The following ITPR1 variants were observed in gnomAD, a reference collection of about 807,000 sequenced individuals.
ITPR1 encodes the protein inositol 1,4,5-trisphosphate receptor type 1, also known as inositol 1,4,5-trisphosphate-gated calcium channel ITPR1.
ITPR1 carries 96 observed loss-of-function variants against 318.4 expected under a neutral mutation model. That is an observed-to-expected ratio of 0.30 (90% CI 0.26 to 0.36). The LOEUF is 0.36. ITPR1 is among the 10% of genes least tolerant of loss of function. The pLI, the probability that ITPR1 is intolerant of heterozygous loss-of-function variation, is 1.00. For missense variants in ITPR1, 2,440 were observed against 3,460.2 expected (o/e 0.71, Z 7.40); for synonymous variants, 1,312 against 1,289.9 (o/e 1.02, Z -0.37).
intron 5 of ITPR1, among the ~76,000 whole-genome samples, chr3:4,631,362 T>C (rs1462360493): frequency 6.6e-6 from 1 of 152,230 alleles, no homozygotes; most frequent in African/African-American, 2.4e-5. Context: ...ATAATCCCTG[T>C]GACCATTGTT....
chr3:4,590,441 T>A (rs2125066294), intron 4 of ITPR1, among the ~76,000 whole-genome samples: 1 of 151,572 alleles, frequency 6.6e-6, no homozygotes, highest in South Asian at 2.1e-4. Flanking sequence ...TATAGCTGAG[T>A]TGGCCCTGGT....
At chr3:4,568,547 G>A (rs1452113677) in intron 4 of ITPR1, among the ~76,000 whole-genome samples, 2 of 152,160 alleles carry the variant, frequency 1.3e-5, no homozygotes, top group Admixed American at 1.3e-4. Flanking sequence ...AGGTGTGTCT[G>A]GGCTAAGAAG....
intron 25 of ITPR1, 31 bp downstream of exon 25, chr3:4,680,722 A>T (rs1252764668): frequency 2.5e-6 from 4 of 1,584,152 alleles, no homozygotes; most frequent in Non-Finnish European, 3.4e-6. Context: ...TTTCAGCCAT[A>T]GAATGGGACC....
intron 2 of ITPR1, among the ~76,000 whole-genome samples, chr3:4,509,340 T>A (rs2081626542): frequency 6.6e-6 from 1 of 152,180 alleles, no homozygotes; most frequent in Admixed American, 6.5e-5. Flanking sequence ...GGATGGTCAA[T>A]GGGGATAAAA....
chr3:4,741,713 G>C, intron 44 of ITPR1, among the ~76,000 whole-genome samples: 1 of 152,176 alleles, frequency 6.6e-6, no homozygotes, highest in African/African-American at 2.4e-5. Flanking sequence ...AGGGCAATTT[G>C]ATTTGCCTCT....
chr3:4,827,670 G>T, intron 60 of ITPR1, among the ~76,000 whole-genome samples: 1 of 152,134 alleles, frequency 6.6e-6, no homozygotes, highest in Admixed American at 6.5e-5. Context: ...CCTTTGTAGG[G>T]TCTAAGATTC....
At chr3:4,599,706 C>T (rs2091122837) in intron 4 of ITPR1, among the ~76,000 whole-genome samples, 1 of 152,206 alleles carries the variant, frequency 6.6e-6, no homozygotes, top group Non-Finnish European at 1.5e-5. Flanking sequence ...AAGCCTTCCC[C>T]TACTCCGACA....
intron 2 of ITPR1, among the ~76,000 whole-genome samples, chr3:4,501,657 A>T (rs2081032061): frequency 6.6e-6 from 1 of 152,222 alleles, no homozygotes; most frequent in Non-Finnish European, 1.5e-5. Flanking sequence ...TTTTCAGTGA[A>T]GTGGAAAGGT....
intron 5 of ITPR1, among the ~76,000 whole-genome samples, chr3:4,632,929 CTTTTTTTTTT>C (rs1156474451): frequency 1.5e-4 from 10 of 66,022 alleles, no homozygotes; most frequent in African/African-American, 6.3e-4. Flanking sequence ...ACTTTCAGGT[CTTTTTTTTTT>C]TTTTTTTTTT....
chr3:4,609,089 T>TATATATATATATATATAC (rs1171860541), intron 4 of ITPR1, among the ~76,000 whole-genome samples: 9 of 91,938 alleles, frequency 9.8e-5, no homozygotes, highest in Non-Finnish European at 1.4e-4. Flanking sequence ...TATATATATA[T>TATATATATATATATATAC]ACACACACAC....
intron 54 of ITPR1, among the ~76,000 whole-genome samples, chr3:4,802,015 A>T (rs1265340422): frequency 1.3e-5 from 2 of 152,194 alleles, no homozygotes; most frequent in Non-Finnish European, 2.9e-5. Context: ...TTTAGGATAA[A>T]GCAACTGGAC....
chr3:4,545,622 C>T (rs1046989569), intron 4 of ITPR1, among the ~76,000 whole-genome samples: 1 of 68,736 alleles, frequency 1.5e-5, no homozygotes. Flanking sequence ...GACCCGGTCT[C>T]AAAAAAAAAA....
intron 4 of ITPR1, among the ~76,000 whole-genome samples, chr3:4,598,103 G>A (rs1455305031): frequency 6.6e-6 from 1 of 152,204 alleles, no homozygotes; most frequent in Non-Finnish European, 1.5e-5. Flanking sequence ...GGTCTATGGG[G>A]CCTTGCATGG....
intron 53 of ITPR1, among the ~76,000 whole-genome samples, chr3:4,797,351 A>G (rs2047965965): frequency 6.6e-6 from 1 of 152,114 alleles, no homozygotes; most frequent in Admixed American, 6.5e-5. Flanking sequence ...TTGACCTGAA[A>G]GTATTTCTTT....
chr3:4,615,896 G>A (rs757772165), intron 4 of ITPR1, among the ~76,000 whole-genome samples: 3 of 152,140 alleles, frequency 2.0e-5, no homozygotes, highest in Non-Finnish European at 4.4e-5. Context: ...TTGTCAGCTC[G>A]AGTTTTCTAT....
intron 4 of ITPR1, among the ~76,000 whole-genome samples, chr3:4,528,687 G>C (rs1231717494): frequency 1.3e-5 from 2 of 152,128 alleles, no homozygotes; most frequent in Non-Finnish European, 2.9e-5. Context: ...TGCCTGTCTT[G>C]TTAAATAAGG....
chr3:4,496,722 T>C (rs1031225885), intron 2 of ITPR1, among the ~76,000 whole-genome samples: 2 of 152,126 alleles, frequency 1.3e-5, no homozygotes, highest in African/African-American at 4.8e-5. Context: ...AAAGAAACCT[T>C]TAATCCAATG....
intron 4 of ITPR1, among the ~76,000 whole-genome samples, chr3:4,532,342 G>T (rs2083485013): frequency 6.6e-6 from 1 of 152,124 alleles, no homozygotes; most frequent in Admixed American, 6.5e-5. Context: ...TGAGACCTGA[G>T]ATTCTACATT....
chr3:4,594,707 T>C (rs921952204), intron 4 of ITPR1, among the ~76,000 whole-genome samples: 7 of 151,106 alleles, frequency 4.6e-5, no homozygotes, highest in African/African-American at 1.7e-4. Context: ...GCCCTCCACC[T>C]CCCACCCCCA....
Sources: allele counts gnomAD v4.1 joint callset (sites outside exome capture counted in the v4.1 genomes callset), GRCh38; gene constraint gnomAD v4.1.1; transcripts MANE v1.5; gene names NCBI Gene and HGNC (gene_info 2026-07-23, HGNC 2026-07-21).